The following PDE4D variants were observed in gnomAD, a reference collection of about 807,000 sequenced individuals.
PDE4D encodes the protein 3',5'-cyclic-AMP phosphodiesterase 4D.
PDE4D carries 24 observed loss-of-function variants against 87.4 expected under a neutral mutation model. The ratio of observed to expected loss-of-function variants is 0.27; its 90% confidence interval spans 0.20 to 0.39. The LOEUF (loss-of-function observed/expected upper bound fraction) is 0.39. Among genes scored for constraint, PDE4D ranks in the 10% least tolerant of loss-of-function variants. PDE4D has a pLI of 1.00. For synonymous variants in PDE4D, 384 were observed against 383.2 expected (o/e 1.00, Z -0.02); for missense variants, 714 against 1,041.0 (o/e 0.69, Z 4.32).
At chr5:59,417,119 T>C (rs1271543108) in intron 1 of PDE4D, among the ~76,000 whole-genome samples, 1 of 152,192 alleles carries the variant, frequency 6.6e-6, no homozygotes, top group Admixed American at 6.5e-5. Context: ...ATTGGCTGTA[T>C]ATCCTTTGTT....
chr5:58,984,449 A>AT (rs1176653020), intron 11 of PDE4D, among the ~76,000 whole-genome samples: 1 of 152,236 alleles, frequency 6.6e-6, no homozygotes, highest in African/African-American at 2.4e-5. Context: ...CTTGCAGTAC[A>AT]TTTTTGTTGA....
intron 2 of PDE4D, among the ~76,000 whole-genome samples, chr5:60,099,665 A>G (rs1018775045): frequency 1.3e-5 from 2 of 151,978 alleles, no homozygotes; most frequent in African/African-American, 4.8e-5. Flanking sequence ...ATCTATAAGA[A>G]TAGATTGAAA....
chr5:59,125,530 G>A (rs1775261568), intron 5 of PDE4D, among the ~76,000 whole-genome samples: 1 of 152,112 alleles, frequency 6.6e-6, no homozygotes. Flanking sequence ...CTGGGCTTCC[G>A]CTAGGGTGCC....
chr5:59,061,700 A>C (rs962924125), intron 5 of PDE4D, among the ~76,000 whole-genome samples: 1 of 152,116 alleles, frequency 6.6e-6, no homozygotes, highest in Non-Finnish European at 1.5e-5. Flanking sequence ...AATAGATAGA[A>C]ATGCTGTTAA....
chr5:59,314,618 C>T (rs1773332046), intron 1 of PDE4D: 1 of 152,134 alleles, frequency 6.6e-6, no homozygotes. Flanking sequence ...CCCTATTGCA[C>T]TTGTGTCAAC....
chr5:59,520,992 T>C (rs1349806985), intron 1 of PDE4D, among the ~76,000 whole-genome samples: 1 of 152,080 alleles, frequency 6.6e-6, no homozygotes, highest in Non-Finnish European at 1.5e-5. Context: ...AATAGAAACG[T>C]TCCTATAGAT....
intron 4 of PDE4D, among the ~76,000 whole-genome samples, chr5:59,184,066 G>T (rs1742326813): frequency 6.6e-6 from 1 of 152,066 alleles, no homozygotes; most frequent in South Asian, 2.1e-4. Flanking sequence ...GTATCATCAG[G>T]GACAATGCTC....
At chr5:60,286,463 T>C (rs1414913831) in intron 1 of PDE4D, among the ~76,000 whole-genome samples, 1 of 152,022 alleles carries the variant, frequency 6.6e-6, no homozygotes, top group Non-Finnish European at 1.5e-5. Context: ...ACATCATAAA[T>C]TGCCAACTAG....
intron 6 of PDE4D, among the ~76,000 whole-genome samples, chr5:59,032,001 A>C (rs1347222014): frequency 8.1e-6 from 1 of 123,632 alleles, no homozygotes; most frequent in East Asian, 2.1e-4. Flanking sequence ...AGATTGGAGG[A>C]ATAAGTTTTA....
At chr5:60,478,816 T>C (rs143919109) in intron 1 of PDE4D, among the ~76,000 whole-genome samples, 60 of 152,308 alleles carry the variant, frequency 3.9e-4, no homozygotes, top group African/African-American at 1.4e-3. Flanking sequence ...CCCAGTGCAG[T>C]TGACAATTTT....
At chr5:59,933,310 C>T (rs1167657173) in intron 3 of PDE4D, among the ~76,000 whole-genome samples, 1 of 152,154 alleles carries the variant, frequency 6.6e-6, no homozygotes, top group South Asian at 2.1e-4. Context: ...GTCGTGATTT[C>T]CTATCTCTGT....
At chr5:59,538,690 T>A (rs1229558850) in intron 1 of PDE4D, among the ~76,000 whole-genome samples, 3 of 152,182 alleles carry the variant, frequency 2.0e-5, no homozygotes, top group African/African-American at 7.2e-5. Context: ...AGCCAAATAC[T>A]ACAACCTCAA....
At chr5:60,157,891 C>CCCTTCCTTCCTT (rs112255610) in intron 2 of PDE4D, among the ~76,000 whole-genome samples, 144 of 146,858 alleles carry the variant, frequency 9.8e-4, no homozygotes, top group African/African-American at 3.4e-3. Context: ...CCCTTTCTTT[C>CCCTTCCTTCCTT]CCTTCCTTCC....
At chr5:59,811,725 G>T (rs929430229) in intron 1 of PDE4D, among the ~76,000 whole-genome samples, 17 of 152,198 alleles carry the variant, frequency 1.1e-4, no homozygotes, top group Non-Finnish European at 2.2e-4. Context: ...TGGAGTTTTA[G>T]GTTTGAATCT....
intron 1 of PDE4D, chr5:59,528,964 G>C (rs1394344554): frequency 4.5e-6 from 2 of 447,022 alleles, no homozygotes; most frequent in Non-Finnish European, 9.0e-6. Flanking sequence ...GATGCAAGCT[G>C]AACGGTTGGC....
At chr5:59,005,944 G>C (rs1751517303) in intron 6 of PDE4D, among the ~76,000 whole-genome samples, 1 of 152,188 alleles carries the variant, frequency 6.6e-6, no homozygotes, top group Non-Finnish European at 1.5e-5. Context: ...ACAGTGCCTT[G>C]AATTAAAGAA....
At chr5:60,232,542 G>A (rs1047553957) in intron 1 of PDE4D, among the ~76,000 whole-genome samples, 12 of 151,848 alleles carry the variant, frequency 7.9e-5, no homozygotes, top group Admixed American at 5.3e-4. Context: ...ATGTGACAGC[G>A]CCTCAGATCC....
At chr5:60,488,938 C>T (rs1328314735), upstream of PDE4D, among the ~76,000 whole-genome samples, 2 of 152,142 alleles carry the variant, frequency 1.3e-5, no homozygotes. Context: ...TCCCCTACCC[C>T]AGGTTTTTCT....
At chr5:59,371,065 A>G (rs1783849879) in intron 1 of PDE4D, among the ~76,000 whole-genome samples, 1 of 152,192 alleles carries the variant, frequency 6.6e-6, no homozygotes, top group South Asian at 2.1e-4. Flanking sequence ...TTTGCTCATC[A>G]GCTATCATAT....
Sources: allele counts gnomAD v4.1 joint callset (sites outside exome capture counted in the v4.1 genomes callset), GRCh38; gene constraint gnomAD v4.1.1; transcripts MANE v1.5; gene names NCBI Gene and HGNC (gene_info 2026-07-23, HGNC 2026-07-21).